Variants in KANK1 observed in about 807,000 individuals in gnomAD.
KANK1 encodes KN motif and ankyrin repeat domain-containing protein 1.
In KANK1, 109 loss-of-function variants were observed where a neutral mutation model predicts 106.2. That is an observed-to-expected ratio of 1.03 (90% CI 0.88 to 1.20). KANK1 has a LOEUF of 1.20. Among genes scored for constraint, KANK1 ranks in the 50% most tolerant of loss-of-function variants. KANK1 has a pLI of 0.00. For missense variants in KANK1, 2,399 were observed against 1,710.7 expected (o/e 1.40, Z -7.10); for synonymous variants, 873 against 652.2 (o/e 1.34, Z -5.16).
chr9:625,882 T>G (rs1834223376), intron 1 of KANK1, among the ~76,000 whole-genome samples: 1 of 152,142 alleles, frequency 6.6e-6, no homozygotes, highest in Non-Finnish European at 1.5e-5. Flanking sequence ...TTTCCCGGTT[T>G]TAACCACTCC....
rs148857601 is a variant in KANK1, at chr9:667,537, A to G, written c.-83-9353A>G. 2.6e-3 allele frequency among the ~76,000 whole-genome samples: 394 copies of G among 151,656 alleles called. 3 individuals are homozygous for G. Among genetic ancestry groups the G allele is most frequent in the African/African-American group, 8.9e-3 (369 of 41,372 alleles). On this transcript the variant is annotated intron_variant, in intron 1 of 11. Transcript: ENST00000382297. ...TAGGTTGTCTTTTGGTAGTCTTTCAACTTTTTTGATGTAGATGTTTATTGC... is the reference window on the plus strand; with the variant it reads ...TAGGTTGTCTTTTGGTAGTCTTTCAGCTTTTTTGATGTAGATGTTTATTGC...
intron 1 of KANK1, among the ~76,000 whole-genome samples, chr9:526,019 G>T (rs2059775783): frequency 6.6e-6 from 1 of 151,760 alleles, no homozygotes; most frequent in Admixed American, 6.6e-5. Context: ...ACTTTTAATT[G>T]AGTTGTGCAT....
chr9:518,190 A>G (rs969296410), intron 1 of KANK1, among the ~76,000 whole-genome samples: 15 of 151,902 alleles, frequency 9.9e-5, no homozygotes, highest in Middle Eastern at 6.8e-3. Flanking sequence ...TTTGTGAATC[A>G]TTTTCTTGGG....
chr9:530,364 A>G (rs531814846), intron 1 of KANK1, among the ~76,000 whole-genome samples: 1 of 152,266 alleles, frequency 6.6e-6, no homozygotes, highest in East Asian at 1.9e-4. Context: ...CAATATTTTT[A>G]TATTTAAATT....
At chr9:659,426 G>C (rs576996511) in intron 1 of KANK1, among the ~76,000 whole-genome samples, 3 of 152,202 alleles carry the variant, frequency 2.0e-5, no homozygotes, top group South Asian at 4.2e-4. Context: ...AGTAGGTCTG[G>C]GATGGGCCCC....
intron 1 of KANK1, among the ~76,000 whole-genome samples, chr9:650,829 A>G (rs1223203833): frequency 6.6e-6 from 1 of 152,208 alleles, no homozygotes; most frequent in Non-Finnish European, 1.5e-5. Context: ...TTGTAATTCC[A>G]GTAACGGCTT....
intron 1 of KANK1, among the ~76,000 whole-genome samples, chr9:512,130 T>C (rs994160288): frequency 6.6e-6 from 1 of 152,200 alleles, no homozygotes; most frequent in African/African-American, 2.4e-5. Context: ...CTACATGTCT[T>C]CATGGTGACT....
chr9:641,625 C>G (rs961026929), intron 1 of KANK1, among the ~76,000 whole-genome samples: 2 of 152,204 alleles, frequency 1.3e-5, no homozygotes, highest in Non-Finnish European at 2.9e-5. Flanking sequence ...GAAGCGTAGC[C>G]TGTGTCCTTT....
At chr9:601,060 G>A (rs556259197) in intron 1 of KANK1, among the ~76,000 whole-genome samples, 1 of 151,764 alleles carries the variant, frequency 6.6e-6, no homozygotes, top group East Asian at 1.9e-4. Context: ...CCAGATGGAA[G>A]TGAGGAGTAA....
chr9:630,890 G>A (rs1835549273), intron 1 of KANK1, among the ~76,000 whole-genome samples: 1 of 152,084 alleles, frequency 6.6e-6, no homozygotes, highest in Admixed American at 6.5e-5. Flanking sequence ...GGGATGTAGA[G>A]GTTGTAATGA....
intron 2 of KANK1, chr9:684,177 G>A: frequency 1.0e-6 from 1 of 985,330 alleles, no homozygotes; most frequent in Non-Finnish European, 1.2e-6. Context: ...AAGCTTTCTT[G>A]CCCCAAGCCT....
chr9:674,402 AG>A (rs57509968), intron 1 of KANK1: 45 of 39,800 alleles, frequency 1.1e-3, no homozygotes, highest in South Asian at 5.8e-3. Flanking sequence ...AAAAAAAAAG[AG>A]AGAGAGAAAA....
At position 602,861 on chromosome 9, in the gene KANK1, T is replaced by C. The variant is rs564108177; in HGVS notation, c.-83-74029T>C. On this transcript the variant is annotated intron_variant, in intron 1 of 11. Coordinates refer to ENST00000382297, the MANE Select transcript of KANK1 (RefSeq NM_015158.5). ...ATGAGATTCCAGCATGACTCCTTTG[T>C]AATTTTTCATATTTTTGCTATTACA... is the stretch of plus-strand genomic sequence containing the variant. Among the ~76,000 whole-genome samples the C allele has an allele frequency of 2.6e-5, 4 of 152,036 alleles. No homozygotes were observed. The South Asian group carries it at 8.3e-4, about 32-fold the overall frequency.
chr9:712,464 G>C lies in KANK1; in HGVS notation c.1698G>C (p.Met566Ile). 1 of 1,614,160 alleles carries C rather than the reference G, an allele frequency of 6.2e-7. No homozygotes were observed. The highest frequency in any genetic ancestry group is 8.5e-7 in the Non-Finnish European group (1 of 1,180,032). Reference sequence around the variant, plus strand: ...AAGTCGTAGGGCCTGAGCTGCCTATGAATTGGTGGATTGTTAAGGAGAGGG... The same window carrying C: ...AAGTCGTAGGGCCTGAGCTGCCTATCAATTGGTGGATTGTTAAGGAGAGGG... ...KNKVVGPELP[M>I]NWWIVKERVE... Residue 566 changes from methionine (M) to isoleucine (I), a missense_variant, in exon 3 of 12, where the codon ATG (methionine) becomes ATC (isoleucine). Physicochemically the swap from Met to Ile is conservative, Grantham distance 10 (BLOSUM62 1). Coordinates refer to ENST00000382297, the MANE Select transcript of KANK1 (RefSeq NM_015158.5).
chr9:564,411 A>G (rs1817302913), intron 1 of KANK1, among the ~76,000 whole-genome samples: 1 of 152,176 alleles, frequency 6.6e-6, no homozygotes, highest in South Asian at 2.1e-4. Flanking sequence ...TTTTCTCACC[A>G]GACACCCTTA....
intron 7 of KANK1, among the ~76,000 whole-genome samples, chr9:738,064 C>T (rs922948700): frequency 6.6e-5 from 10 of 151,904 alleles, no homozygotes; most frequent in Admixed American, 5.9e-4. Flanking sequence ...ATGGTGCTGT[C>T]TGGTCTCCTT....
chr9:539,093 C>G (rs1384262365), intron 1 of KANK1, among the ~76,000 whole-genome samples: 2 of 152,148 alleles, frequency 1.3e-5, no homozygotes, highest in Non-Finnish European at 2.9e-5. Flanking sequence ...GTTGGCCCAG[C>G]TGGTCTTGAA....
chr9:582,730 C>T (rs138634907), intron 1 of KANK1, among the ~76,000 whole-genome samples: 13 of 152,270 alleles, frequency 8.5e-5, no homozygotes, highest in Admixed American at 8.5e-4. Flanking sequence ...TCTTGAGTAA[C>T]CAGCATATTA....
chr9:732,643 T>C (rs1564108396), intron 6 of KANK1, 26 bp downstream of exon 6: 2 of 1,605,118 alleles, frequency 1.2e-6, no homozygotes, highest in Non-Finnish European at 8.5e-7. Context: ...CTTCCCTCCC[T>C]TGCCCCTCCC....
Sources: allele counts gnomAD v4.1 joint callset (sites outside exome capture counted in the v4.1 genomes callset), GRCh38; gene constraint gnomAD v4.1.1; transcripts MANE v1.5; gene names NCBI Gene and HGNC (gene_info 2026-07-23, HGNC 2026-07-21).